The following SPHKAP variants were observed in gnomAD, a reference collection of about 807,000 sequenced individuals.
The protein encoded by SPHKAP is SPHK1 interactor, AKAP domain containing.
A neutral mutation model predicts 137.5 loss-of-function variants in SPHKAP; 67 were observed. The ratio of observed to expected loss-of-function variants is 0.49; its 90% CI spans 0.40 to 0.60. The LOEUF is 0.60. SPHKAP is among the 20% of genes least tolerant of loss of function. The probability of loss-of-function intolerance (pLI) is 0.00; values close to 1 mark genes in which losing one functional copy is unlikely to be tolerated. For synonymous variants in SPHKAP, 813 were observed against 785.3 expected (o/e 1.04, Z -0.59); for missense variants, 2,097 against 2,069.3 (o/e 1.01, Z -0.26).
At chr2:228,089,250 T>C (rs547033512) in intron 3 of SPHKAP, among the ~76,000 whole-genome samples, 9 of 152,356 alleles carry the variant, frequency 5.9e-5, no homozygotes, top group African/African-American at 1.9e-4. Context: ...AGCAAAGAAC[T>C]TGGCTGCATT....
At chr2:228,084,916 A>C (rs1697491526) in intron 3 of SPHKAP, among the ~76,000 whole-genome samples, 1 of 152,236 alleles carries the variant, frequency 6.6e-6, no homozygotes, top group Non-Finnish European at 1.5e-5. Context: ...GCATTGATTG[A>C]TGAATTTCCT....
At chr2:228,076,029 T>C (rs1006316898) in intron 3 of SPHKAP, among the ~76,000 whole-genome samples, 2 of 152,138 alleles carry the variant, frequency 1.3e-5, no homozygotes, top group Admixed American at 6.5e-5. Context: ...CTTTTCTGCA[T>C]GTTCTCATGA....
chr2:227,991,523 C>T, intron 9 of SPHKAP, 197 bp from the exon 10 acceptor site: 1 of 985,364 alleles, frequency 1.0e-6, no homozygotes, highest in South Asian at 4.7e-5. Flanking sequence ...AATAAATGTC[C>T]TCCTCCAACA....
rs571559335 is a variant in SPHKAP, at chr2:228,154,372, T to C, written c.33-22287A>G. 2.0e-5 allele frequency among the ~76,000 whole-genome samples: 3 copies of C among 150,788 alleles called. No homozygotes were observed. The East Asian group carries it at 5.8e-4, about 29-fold the overall frequency. ...TAGAATTCCCCTTAGTTTTTATATTTGAAGAAAAAAATTAGTTAAAAATGG... is the reference window on the plus strand; with the variant it reads ...TAGAATTCCCCTTAGTTTTTATATTCGAAGAAAAAAATTAGTTAAAAATGG... On this transcript the variant is annotated intron_variant, in intron 1 of 11. Transcript: ENST00000392056.
Position 228,017,858 on chromosome 2 carries a change from C to T in SPHKAP, c.2996G>A (p.Arg999Gln), listed in dbSNP as rs374937865. The change falls in exon 7 of 12, where the codon CGG becomes CAG. Residue 999 changes from arginine (R) to glutamine (Q), a missense_variant. Transcript: ENST00000392056. ...GTAVRKHKPP[R>Q]LSEIKRKTDE... Reference sequence around the variant, plus strand: ...CGTCTTCCTCTTGATCTCACTGAGCCGGGGAGGCTTGTGTTTCCTCACAGC... The same window carrying T: ...CGTCTTCCTCTTGATCTCACTGAGCTGGGGAGGCTTGTGTTTCCTCACAGC... 9.9e-6 allele frequency: 16 copies of T among 1,613,880 alleles called. No homozygotes were observed. Among genetic ancestry groups the T allele is most frequent in the Non-Finnish European group, 1.3e-5 (15 of 1,179,992 alleles).
intron 3 of SPHKAP, among the ~76,000 whole-genome samples, chr2:228,053,481 C>T (rs887790471): frequency 6.6e-6 from 1 of 152,264 alleles, no homozygotes; most frequent in South Asian, 2.1e-4. Flanking sequence ...TAAAATCTGG[C>T]TTACAGCATT....
At chr2:228,034,919 A>G (rs1243780578) in intron 3 of SPHKAP, among the ~76,000 whole-genome samples, 2 of 151,776 alleles carry the variant, frequency 1.3e-5, no homozygotes, top group South Asian at 2.1e-4. Context: ...CCCACAGCCA[A>G]TATCATTCCG....
At chr2:228,042,205 C>T (rs1195749982) in intron 3 of SPHKAP, among the ~76,000 whole-genome samples, 1 of 152,164 alleles carries the variant, frequency 6.6e-6, no homozygotes, top group African/African-American at 2.4e-5. Flanking sequence ...TGAGTAGGAG[C>T]ACTTAACCTG....
intron 1 of SPHKAP, among the ~76,000 whole-genome samples, chr2:228,138,805 T>C (rs1399928259): frequency 6.6e-6 from 1 of 152,208 alleles, no homozygotes; most frequent in African/African-American, 2.4e-5. Flanking sequence ...AAACCCCTTA[T>C]AGTTCTGCTT....
rs535615440 is a variant in SPHKAP at position 228,154,968 on chromosome 2, A to G, written c.33-22883T>C. Among the ~76,000 whole-genome samples the G allele has an allele frequency of 3.4e-4, 52 of 152,116 alleles. 1 individual carries two copies. The highest frequency in any genetic ancestry group is 1.2e-3 in the African/African-American group (50 of 41,490). ...ATAGCAACATTCCTCCTTTTTGTGT[A>G]AGTTATATTTCTAATTACAATGCAT... On this transcript the variant is annotated intron_variant, in intron 1 of 11. Coordinates refer to ENST00000392056, the MANE Select transcript of SPHKAP (RefSeq NM_001142644.2).
chr2:227,994,613 A>C (rs1559336836), intron 8 of SPHKAP, among the ~76,000 whole-genome samples: 5 of 152,164 alleles, frequency 3.3e-5, no homozygotes, highest in Admixed American at 3.3e-4. Flanking sequence ...TTAGCTTTTG[A>C]GGGGGGCACC....
At chr2:228,133,108 A>T (rs1699311633) in intron 1 of SPHKAP, among the ~76,000 whole-genome samples, 1 of 151,908 alleles carries the variant, frequency 6.6e-6, no homozygotes, top group African/African-American at 2.4e-5. Context: ...GGAGTATGAG[A>T]TCAGCCTGGG....
intron 3 of SPHKAP, among the ~76,000 whole-genome samples, chr2:228,030,324 G>A (rs1695237308): frequency 6.6e-6 from 1 of 151,886 alleles, no homozygotes; most frequent in Non-Finnish European, 1.5e-5. Flanking sequence ...GACTCTCCTG[G>A]CCAACGTGGT....
At chr2:228,083,958 G>T (rs1439166553) in intron 3 of SPHKAP, among the ~76,000 whole-genome samples, 1 of 151,922 alleles carries the variant, frequency 6.6e-6, no homozygotes, top group Non-Finnish European at 1.5e-5. Flanking sequence ...GGGAGGGAGG[G>T]CATTAGGACA....
At chr2:228,125,819 G>A (rs1186859080) in intron 2 of SPHKAP, among the ~76,000 whole-genome samples, 1 of 152,148 alleles carries the variant, frequency 6.6e-6, no homozygotes, top group Non-Finnish European at 1.5e-5. Context: ...GTTCATGCCT[G>A]TAATCCCAGC....
chr2:228,095,645 ATT>A (rs895654079), intron 3 of SPHKAP, among the ~76,000 whole-genome samples: 1 of 151,754 alleles, frequency 6.6e-6, no homozygotes, highest in Non-Finnish European at 1.5e-5. Context: ...ATACTTTTTA[ATT>A]TTTTTTTAAT....
chr2:228,028,995 G>A (rs1221803126), intron 3 of SPHKAP, among the ~76,000 whole-genome samples: 6 of 152,178 alleles, frequency 3.9e-5, no homozygotes, highest in Admixed American at 1.3e-4. Context: ...CATCACTAGT[G>A]GGTTGGACAG....
intron 1 of SPHKAP, among the ~76,000 whole-genome samples, chr2:228,147,377 TCAATA>T (rs1471165510): frequency 2.0e-5 from 3 of 152,176 alleles, no homozygotes; most frequent in African/African-American, 4.8e-5. Context: ...TTTTTAAAAA[TCAATA>T]CAAGATGCAT....
chr2:228,082,267 G>A (rs1697387203), intron 3 of SPHKAP, among the ~76,000 whole-genome samples: 1 of 152,088 alleles, frequency 6.6e-6, no homozygotes, highest in African/African-American at 2.4e-5. Flanking sequence ...ATTTGTAACT[G>A]GAAGACCTGA....
Sources: allele counts gnomAD v4.1 joint callset (sites outside exome capture counted in the v4.1 genomes callset), GRCh38; gene constraint gnomAD v4.1.1; transcripts MANE v1.5; gene names NCBI Gene and HGNC (gene_info 2026-07-23, HGNC 2026-07-21).